The following CCDC178 variants were observed in gnomAD, a reference collection of about 807,000 sequenced individuals.
CCDC178 encodes the protein coiled-coil domain containing 178.
CCDC178 carries 126 observed loss-of-function variants against 117.4 expected under a neutral mutation model. The observed-to-expected ratio is 1.07, with a 90% CI of 0.93 to 1.24. The LOEUF is 1.24. Ranked by LOEUF, CCDC178 falls within the 50% of genes most tolerant of loss-of-function variation. The pLI, the probability that CCDC178 is intolerant of heterozygous loss-of-function variation, is 0.00. For synonymous variants in CCDC178, 283 were observed against 313.4 expected (o/e 0.90, Z 1.02); for missense variants, 1,030 against 986.9 (o/e 1.04, Z -0.59).
chr18:33,239,052 A>C (rs141429027), intron 15 of CCDC178, among the ~76,000 whole-genome samples: 11 of 152,254 alleles, frequency 7.2e-5, no homozygotes, highest in African/African-American at 2.6e-4. Context: ...GAAAAAGAAA[A>C]GTATTCTACA....
chr18:33,014,422 T>G (rs2055936791), intron 21 of CCDC178, among the ~76,000 whole-genome samples: 1 of 152,070 alleles, frequency 6.6e-6, no homozygotes, highest in Non-Finnish European at 1.5e-5. Context: ...CTGAAAAACT[T>G]AAAAGGAAAA....
intron 15 of CCDC178, among the ~76,000 whole-genome samples, chr18:33,244,676 G>T (rs922489296): frequency 6.6e-6 from 1 of 151,914 alleles, no homozygotes; most frequent in African/African-American, 2.4e-5. Context: ...CTAAGTCTCA[G>T]GTATTTCTTC....
At chr18:33,398,481 G>A (rs572314781) in intron 3 of CCDC178, among the ~76,000 whole-genome samples, 55 of 152,066 alleles carry the variant, frequency 3.6e-4, no homozygotes, top group Non-Finnish European at 5.7e-4. Context: ...ATATCCCGAA[G>A]TTCAGCATTC....
chr18:33,346,175 C>A, intron 9 of CCDC178, 36 bp downstream of exon 9: 4 of 1,469,160 alleles, frequency 2.7e-6, no homozygotes, highest in African/African-American at 1.4e-5. Context: ...GTGCCCCCAA[C>A]AGAATAAGAA....
intron 12 of CCDC178, among the ~76,000 whole-genome samples, chr18:33,285,559 G>T (rs1286723981): frequency 6.6e-6 from 1 of 152,018 alleles, no homozygotes; most frequent in African/African-American, 2.4e-5. Context: ...TATGAATATG[G>T]ATGCAAAATC....
rs923012522 is a variant in CCDC178, at chr18:33,403,504, C to A, written c.59-6296G>T. Among the ~76,000 whole-genome samples the A allele has an allele frequency of 4.0e-3, 579 of 145,288 alleles. 3 individuals carry two copies. The highest frequency in any genetic ancestry group is 0.014 in the African/African-American group (553 of 38,966). On this transcript the variant is annotated intron_variant, in intron 3 of 22. Coordinates refer to ENST00000383096, the MANE Select transcript of CCDC178 (RefSeq NM_001105528.4). ...GTATGACATCCAAAAAAAAAAAAAA[C>A]CGGACAAATGGTTCATACAGAGGAA...
Position 33,370,175 on chromosome 18 carries a change from T to C in CCDC178, c.223A>G (p.Ile75Val). The C allele has an allele frequency of 1.2e-6, 2 of 1,602,944 alleles. No individual in the cohort carries two copies. Among genetic ancestry groups the C allele is most frequent in the Non-Finnish European group, 1.7e-6 (2 of 1,175,094 alleles). Reference protein sequence around the residue: ...MTNTEGVNKGIYFSYPCRRHS... With the variant: ...MTNTEGVNKGVYFSYPCRRHS... ...CGTCGACATGGGTAGCTAAAGTAAATGCCTTTATTCACCCCTAAAGAGAAC... is the reference window on the plus strand; with the variant it reads ...CGTCGACATGGGTAGCTAAAGTAAACGCCTTTATTCACCCCTAAAGAGAAC... Residue 75 changes from isoleucine (I) to valine (V), a missense_variant, in exon 6 of 23, where the codon ATT (isoleucine) becomes GTT (valine). By Grantham distance (29) the Ile-to-Val change is conservative (BLOSUM62 3). Transcript: ENST00000383096.
intron 4 of CCDC178, among the ~76,000 whole-genome samples, chr18:33,396,330 A>G (rs1396041199): frequency 6.6e-6 from 1 of 152,140 alleles, no homozygotes; most frequent in East Asian, 1.9e-4. Context: ...GAGCAACTGG[A>G]ACATTCCTAC....
At chr18:33,049,353 A>G (rs1354423421) in intron 21 of CCDC178, among the ~76,000 whole-genome samples, 1 of 152,184 alleles carries the variant, frequency 6.6e-6, no homozygotes, top group African/African-American at 2.4e-5. Flanking sequence ...TATCAAATAT[A>G]TACACATACC....
At position 33,148,962 on chromosome 18, in the gene CCDC178, A is replaced by G. The variant is rs527843854; in HGVS notation, c.2239-56052T>C. Among the ~76,000 whole-genome samples the G allele has an allele frequency of 2.0e-5, 3 of 152,300 alleles. No homozygotes were observed. In the South Asian group the frequency reaches 6.2e-4, roughly 32 times the overall value. ...ATTCCCAGCCCCCTTGCTAGGAGCTATGTGTCTGTTTCTGGCCAATGCGCT... is the reference window on the plus strand; with the variant it reads ...ATTCCCAGCCCCCTTGCTAGGAGCTGTGTGTCTGTTTCTGGCCAATGCGCT... On this transcript the variant is annotated intron_variant, in intron 20 of 22. Coordinates refer to ENST00000383096, the MANE Select transcript of CCDC178 (RefSeq NM_001105528.4).
intron 20 of CCDC178, among the ~76,000 whole-genome samples, chr18:33,163,053 T>A (rs2058486620): frequency 6.6e-6 from 1 of 152,108 alleles, no homozygotes; most frequent in Admixed American, 6.6e-5. Flanking sequence ...CCACCAGCGG[T>A]GTATAAACGT....
chr18:33,175,048 T>G (rs928911821), intron 20 of CCDC178, among the ~76,000 whole-genome samples: 5 of 150,900 alleles, frequency 3.3e-5, no homozygotes, highest in African/African-American at 1.2e-4. Flanking sequence ...TTTTATTTTT[T>G]TTGGTATTTT....
intron 9 of CCDC178, among the ~76,000 whole-genome samples, chr18:33,333,735 C>T (rs2062704701): frequency 6.6e-6 from 1 of 151,880 alleles, no homozygotes. Context: ...TGGTCTCAAA[C>T]TCGCGACCTC....
intron 20 of CCDC178, among the ~76,000 whole-genome samples, chr18:33,140,766 T>A (rs1005607373): frequency 6.6e-6 from 1 of 152,208 alleles, no homozygotes; most frequent in African/African-American, 2.4e-5. Flanking sequence ...TTTGGGGCAC[T>A]GTTGGGAAGG....
intron 21 of CCDC178, among the ~76,000 whole-genome samples, chr18:33,080,368 C>T (rs558984023): frequency 1.2e-4 from 19 of 152,208 alleles, no homozygotes; most frequent in African/African-American, 2.9e-4. Context: ...CCCCATGACA[C>T]GAGTTTACCT....
At chr18:33,408,113 C>T (rs1333501921) in intron 3 of CCDC178, among the ~76,000 whole-genome samples, 1 of 151,200 alleles carries the variant, frequency 6.6e-6, no homozygotes, top group African/African-American at 2.4e-5. Flanking sequence ...TCCATGTATG[C>T]AAGTCATTAA....
At chr18:33,332,194 A>G (rs2062678256) in intron 10 of CCDC178, among the ~76,000 whole-genome samples, 1 of 152,210 alleles carries the variant, frequency 6.6e-6, no homozygotes, top group African/African-American at 2.4e-5. Context: ...TTATTAACAC[A>G]CACGCATATA....
At chr18:32,938,321 G>A (rs1352678953) in intron 22 of CCDC178, 2 of 438,766 alleles carry the variant, frequency 4.6e-6, no homozygotes, top group African/African-American at 2.0e-5. Context: ...AAGGTAGAGA[G>A]TGAATGAGAC....
chr18:33,316,781 C>G (rs1252326416), intron 11 of CCDC178, among the ~76,000 whole-genome samples: 1 of 151,898 alleles, frequency 6.6e-6, no homozygotes, highest in Non-Finnish European at 1.5e-5. Flanking sequence ...CTGTATCTAG[C>G]TAATCCGGTG....
Sources: gnomAD v4.1 joint callset for allele counts (sites outside exome capture counted in the v4.1 genomes callset) on GRCh38, gnomAD v4.1.1 for gene constraint, MANE v1.5 for transcripts, NCBI Gene and HGNC (gene_info 2026-07-23, HGNC 2026-07-21) for gene names.